SLC4A4: variants seen among roughly 807,000 people sequenced by gnomAD.
SLC4A4 encodes the protein solute carrier family 4 member 4, also known as electrogenic sodium bicarbonate cotransporter 1.
SLC4A4 carries 27 observed loss-of-function variants against 111.5 expected under a neutral mutation model. That is an observed-to-expected ratio of 0.24 (90% CI 0.18 to 0.33). SLC4A4 has a LOEUF of 0.33. SLC4A4 is among the 10% of genes least tolerant of loss of function. The pLI is 1.00. For missense variants in SLC4A4, 909 were observed against 1,315.5 expected, an observed-to-expected ratio of 0.69 and a Z score of 4.78; for synonymous variants, 443 against 463.4, an observed-to-expected ratio of 0.96 and a Z score of 0.57.
chr4:71,409,159 A>G (rs1160251383), intron 7 of SLC4A4, among the ~76,000 whole-genome samples: 1 of 152,204 alleles, frequency 6.6e-6, no homozygotes. Context: ...CATGAAAACT[A>G]ACTAATATAG....
At chr4:71,415,824 T>G (rs961181594) in intron 7 of SLC4A4, among the ~76,000 whole-genome samples, 1 of 152,206 alleles carries the variant, frequency 6.6e-6, no homozygotes, top group African/African-American at 2.4e-5. Context: ...GATGCTTTCT[T>G]GATTCAGGGC....
chr4:71,326,002 T>C (rs777228526), intron 3 of SLC4A4, among the ~76,000 whole-genome samples: 5 of 151,906 alleles, frequency 3.3e-5, no homozygotes, highest in Non-Finnish European at 7.4e-5. Context: ...TTTATATATA[T>C]ATTTAAGTGT....
At chr4:71,247,900 G>C (rs1482123495) in intron 2 of SLC4A4, among the ~76,000 whole-genome samples, 2 of 152,044 alleles carry the variant, frequency 1.3e-5, no homozygotes, top group Non-Finnish European at 2.9e-5. Context: ...GCTCTATTCT[G>C]TCTCGTTGGA....
chr4:71,430,667 C>T (rs1723559966), intron 7 of SLC4A4, among the ~76,000 whole-genome samples: 1 of 152,106 alleles, frequency 6.6e-6, no homozygotes, highest in African/African-American at 2.4e-5. Context: ...CTGACTGAGA[C>T]TGGGGACTCA....
chr4:71,371,250 T>A (rs1160167077), intron 6 of SLC4A4, among the ~76,000 whole-genome samples: 1 of 149,690 alleles, frequency 6.7e-6, no homozygotes, highest in South Asian at 2.1e-4. Context: ...AATGCCTTTT[T>A]TTTTTTTTTT....
chr4:71,382,030 AG>A (rs1286289937), intron 6 of SLC4A4, among the ~76,000 whole-genome samples: 10 of 152,296 alleles, frequency 6.6e-5, no homozygotes, highest in African/African-American at 1.9e-4. Context: ...ACTGGAGAAA[AG>A]GCAGCTTAGT....
rs142282342 is a variant in SLC4A4 at position 71,311,730 on chromosome 4, C to T, written c.254-27640C>T. ...AGCACTCAATGCCCAAAGGAGAAAG[C>T]GGGAAAGATCTAAAATTGATACCCT... On this transcript the variant is annotated intron_variant, in intron 3 of 25. Coordinates refer to ENST00000264485, the MANE Select transcript of SLC4A4 (RefSeq NM_001098484.3). Among the ~76,000 whole-genome samples, 21 of 152,076 alleles carry T rather than the reference C, an allele frequency of 1.4e-4. No individual in the cohort carries two copies. In the South Asian group the frequency reaches 1.9e-3, roughly 14 times the overall value.
intron 1 of SLC4A4, among the ~76,000 whole-genome samples, chr4:71,190,981 G>A (rs767164255): frequency 6.6e-6 from 1 of 152,122 alleles, no homozygotes; most frequent in African/African-American, 2.4e-5. Context: ...TCTATACTTC[G>A]AGTACTGGTA....
At chr4:71,493,828 G>A (rs961422655) in intron 15 of SLC4A4, among the ~76,000 whole-genome samples, 1 of 151,722 alleles carries the variant, frequency 6.6e-6, no homozygotes, top group East Asian at 1.9e-4. Flanking sequence ...CCTTAACCTT[G>A]CAATTTGCAT....
At chr4:71,547,748 C>T in intron 20 of SLC4A4, 28 bp downstream of exon 20, 1 of 1,532,738 alleles carries the variant, frequency 6.5e-7, no homozygotes, top group Non-Finnish European at 9.0e-7. Context: ...TCACCTCTTC[C>T]TTCTCAGAAC....
intron 3 of SLC4A4, among the ~76,000 whole-genome samples, chr4:71,311,933 G>A (rs1410936145): frequency 6.8e-6 from 1 of 146,362 alleles, no homozygotes; most frequent in African/African-American, 2.5e-5. Context: ...GAGAGAGAGA[G>A]AAGGAGATAG....
chr4:71,435,734 C>G (rs1187244180), intron 7 of SLC4A4, among the ~76,000 whole-genome samples: 2 of 152,116 alleles, frequency 1.3e-5, no homozygotes. Flanking sequence ...ACAACCCCAT[C>G]AAAAAGTGGG....
chr4:71,227,097 A>G (rs1055978620), intron 1 of SLC4A4, among the ~76,000 whole-genome samples: 3 of 152,168 alleles, frequency 2.0e-5, no homozygotes, highest in Non-Finnish European at 4.4e-5. Flanking sequence ...CAGGAAGCCA[A>G]TGGAGAACAG....
chr4:71,327,498 T>C (rs1192058422), intron 3 of SLC4A4, among the ~76,000 whole-genome samples: 2 of 151,974 alleles, frequency 1.3e-5, no homozygotes, highest in Admixed American at 6.6e-5. Context: ...TTTCCCTGTC[T>C]ATAAGAGTAA....
intron 15 of SLC4A4, among the ~76,000 whole-genome samples, chr4:71,496,511 G>A (rs1730423879): frequency 6.6e-6 from 1 of 152,034 alleles, no homozygotes; most frequent in Admixed American, 6.6e-5. Flanking sequence ...TTAGACCCCG[G>A]TTAGTATTGG....
chr4:71,349,795 CACAAAA>C (rs199800861), intron 4 of SLC4A4, 111 bp from the exon 5 acceptor site: 26,465 of 920,098 alleles, frequency 0.029, 463 homozygotes, highest in Middle Eastern at 0.081. Context: ...ATTAATACTC[CACAAAA>C]AGAGACATTT....
chr4:71,418,234 C>A (rs1640937722), intron 7 of SLC4A4, among the ~76,000 whole-genome samples: 1 of 152,070 alleles, frequency 6.6e-6, no homozygotes, highest in African/African-American at 2.4e-5. Flanking sequence ...TGCTGCTTTG[C>A]AGAATCATTT....
At chr4:71,515,674 A>G (rs1732315219) in intron 16 of SLC4A4, among the ~76,000 whole-genome samples, 1 of 152,164 alleles carries the variant, frequency 6.6e-6, no homozygotes, top group Admixed American at 6.5e-5. Flanking sequence ...ATCTATTTTT[A>G]GAATTGTTAT....
intron 1 of SLC4A4, among the ~76,000 whole-genome samples, chr4:71,090,860 C>T (rs1742367319): frequency 6.6e-6 from 1 of 152,142 alleles, no homozygotes; most frequent in Admixed American, 6.5e-5. Context: ...GCCAGGGATG[C>T]AGAAGGAAGT....
Sources: allele counts gnomAD v4.1 joint callset (sites outside exome capture counted in the v4.1 genomes callset), GRCh38; gene constraint gnomAD v4.1.1; transcripts MANE v1.5; gene names NCBI Gene and HGNC (gene_info 2026-07-23, HGNC 2026-07-21).